The following DCC variants were observed in gnomAD, a reference collection of about 807,000 sequenced individuals.
DCC encodes the protein netrin receptor DCC.
In DCC, 58 loss-of-function variants were observed where a neutral mutation model predicts 172.5. That is an observed-to-expected ratio of 0.34 (90% CI 0.27 to 0.42). The LOEUF (loss-of-function observed/expected upper bound fraction) is 0.42. Among genes scored for constraint, DCC ranks in the 10% least tolerant of loss-of-function variants. The pLI is 1.00. For missense variants in DCC, 1,740 were observed against 1,791.0 expected (o/e 0.97, Z 0.51); for synonymous variants, 709 against 644.5 (o/e 1.10, Z -1.52).
At chr18:53,129,771 A>G (rs2043623736) in intron 7 of DCC, among the ~76,000 whole-genome samples, 1 of 152,018 alleles carries the variant, frequency 6.6e-6, no homozygotes, top group African/African-American at 2.4e-5. Flanking sequence ...CTAATTTTTG[A>G]CTATTATTAA....
chr18:52,806,140 T>C (rs1460685965), intron 2 of DCC, among the ~76,000 whole-genome samples: 1 of 152,184 alleles, frequency 6.6e-6, no homozygotes, highest in African/African-American at 2.4e-5. Context: ...TGATGGATCA[T>C]TTCTGTATCT....
At chr18:52,537,913 T>C (rs931121682) in intron 1 of DCC, among the ~76,000 whole-genome samples, 1 of 152,230 alleles carries the variant, frequency 6.6e-6, no homozygotes, top group Non-Finnish European at 1.5e-5. Flanking sequence ...TAGAATTTTC[T>C]GTCTTCTGCC....
At chr18:52,729,022 G>A (rs1157832652) in intron 1 of DCC, among the ~76,000 whole-genome samples, 1 of 152,134 alleles carries the variant, frequency 6.6e-6, no homozygotes, top group Admixed American at 6.5e-5. Context: ...AGGAAAATCG[G>A]ATTTTAACAA....
Position 53,098,939 on chromosome 18 carries a change from G to A in DCC, c.1261+32773G>A, listed in dbSNP as rs112967219. Among the ~76,000 whole-genome samples, 1,435 of 152,138 alleles carry A rather than the reference G, an allele frequency of 9.4e-3. 30 individuals carry two copies. Among genetic ancestry groups the A allele is most frequent in the African/African-American group, 0.032 (1,331 of 41,490 alleles). On this transcript the variant is annotated intron_variant, in intron 7 of 28. Transcript: ENST00000442544. ...GACAGAGAGGATTGCTTGAGCCCAC[G>A]AATTCAAGGCTGCAGTTAGCTGTGA...
chr18:52,870,749 A>C lies in DCC; in HGVS notation c.413-35295A>C, dbSNP rs914111554. The stretch of plus-strand genomic sequence containing the variant: ...GACAGCTTAGGTTCACTATGATTTC[A>C]TCTCTGACCCAATCATCACGCTCCC... On this transcript the variant is annotated intron_variant, in intron 2 of 28. Coordinates refer to ENST00000442544, the MANE Select transcript of DCC (RefSeq NM_005215.4). Among the ~76,000 whole-genome samples, 13 of 133,318 alleles carry C rather than the reference A, an allele frequency of 9.8e-5. No homozygotes were observed. The Admixed American group carries it at 1.1e-3, about 12-fold the overall frequency. 87.5% of individuals were successfully genotyped at this position (133,318 alleles called of 152,430 possible).
At chr18:52,425,067 A>G (rs1987379121) in intron 1 of DCC, among the ~76,000 whole-genome samples, 2 of 152,086 alleles carry the variant, frequency 1.3e-5, no homozygotes. Context: ...GTAATTTCTA[A>G]TCATCCATTT....
chr18:52,883,453 TTTTTA>T (rs1408387464), intron 2 of DCC, among the ~76,000 whole-genome samples: 2 of 151,352 alleles, frequency 1.3e-5, no homozygotes, highest in African/African-American at 4.9e-5. Flanking sequence ...ATTTTCTTTC[TTTTTA>T]TTTTTTGTGT....
At chr18:53,121,194 TAGAC>T (rs1228923218) in intron 7 of DCC, among the ~76,000 whole-genome samples, 1 of 151,804 alleles carries the variant, frequency 6.6e-6, no homozygotes, top group Non-Finnish European at 1.5e-5. Flanking sequence ...GAGCCAGAGT[TAGAC>T]AGACATGAAA....
At position 53,486,840 on chromosome 18, in the gene DCC, G is replaced by A; in HGVS notation, c.3780G>A (p.Gln1260=). Reference sequence around the variant, plus strand: ...CGGTGCCAACGCTAGAAAGTGCCCAGTACCCAGGAATCCTCCCGTCTCCCA... The same window carrying A: ...CGGTGCCAACGCTAGAAAGTGCCCAATACCCAGGAATCCTCCCGTCTCCCA... ...AIPVPTLESA[Q]YPGILPSPTC... Residue 1260 remains glutamine, a synonymous_variant, in exon 26 of 29, where the codon CAG becomes CAA. Transcript: ENST00000442544. 1 of 1,614,114 alleles carries A rather than the reference G, an allele frequency of 6.2e-7. No individual in the cohort carries two copies. The highest frequency in any genetic ancestry group is 8.5e-7 in the Non-Finnish European group (1 of 1,180,030).
intron 1 of DCC, among the ~76,000 whole-genome samples, chr18:52,400,652 T>C (rs1986399806): frequency 6.6e-6 from 1 of 152,106 alleles, no homozygotes; most frequent in Admixed American, 6.6e-5. Context: ...CATGTATGTT[T>C]ATTGCAGCAC....
In DCC at chr18:53,137,117, C is replaced by G. The variant is rs1379191602; in HGVS notation, c.1262-20239C>G. 2.0e-5 allele frequency among the ~76,000 whole-genome samples: 3 copies of G among 152,186 alleles called. No individual in the cohort carries two copies. The East Asian group carries it at 5.8e-4, about 29-fold the overall frequency. The stretch of plus-strand genomic sequence containing the variant: ...ATATTCATTTTCAATTAGTGTATAA[C>G]AAATTACTACAAACTTAGCAACTTA... On this transcript the variant is annotated intron_variant, in intron 7 of 28. Coordinates refer to ENST00000442544, the MANE Select transcript of DCC (RefSeq NM_005215.4).
chr18:52,878,022 T>A (rs915795440), intron 2 of DCC, among the ~76,000 whole-genome samples: 1 of 152,086 alleles, frequency 6.6e-6, no homozygotes. Context: ...AAATATAAAC[T>A]CTCTTCCCCA....
intron 27 of DCC, among the ~76,000 whole-genome samples, chr18:53,503,288 A>G (rs1478811016): frequency 6.6e-6 from 1 of 152,214 alleles, no homozygotes; most frequent in Non-Finnish European, 1.5e-5. Context: ...ACCTGAAAAC[A>G]GATTCATTTC....
chr18:52,681,579 T>C (rs2035751111), intron 1 of DCC, among the ~76,000 whole-genome samples: 1 of 152,080 alleles, frequency 6.6e-6, no homozygotes, highest in Non-Finnish European at 1.5e-5. Context: ...GTAGGGAGCA[T>C]TTCTGATTAG....
chr18:52,706,722 T>C lies in DCC; in HGVS notation c.92-45332T>C, dbSNP rs562890075. On this transcript the variant is annotated intron_variant, in intron 1 of 28. Coordinates refer to ENST00000442544, the MANE Select transcript of DCC (RefSeq NM_005215.4). ...CACGACCAAGCATGGTACCAGGTGC[T>C]ATGCTATGTACTGGAAAGGGAGAGA... Among the ~76,000 whole-genome samples, 28 of 152,282 alleles carry C rather than the reference T, an allele frequency of 1.8e-4. 1 individual carries two copies. The highest frequency in any genetic ancestry group is 6.7e-4 in the African/African-American group (28 of 41,576).
Position 53,474,247 on chromosome 18 carries a change from A to G in DCC, c.3736+6237A>G, listed in dbSNP as rs563180063. On this transcript the variant is annotated intron_variant, in intron 25 of 28. Transcript: ENST00000442544. ...CTTCATTACAATAGATGAATATAGTATATTCATATAGTGGAGTACAATGCA... is the reference window on the plus strand; with the variant it reads ...CTTCATTACAATAGATGAATATAGTGTATTCATATAGTGGAGTACAATGCA... Among the ~76,000 whole-genome samples, 147 of 152,322 alleles carry G rather than the reference A, an allele frequency of 9.7e-4. 1 individual carries two copies. The highest frequency in any genetic ancestry group is 3.3e-3 in the African/African-American group (137 of 41,574).
At chr18:53,460,455 C>A (rs1417956537) in intron 24 of DCC, among the ~76,000 whole-genome samples, 7 of 118,104 alleles carry the variant, frequency 5.9e-5, no homozygotes, top group African/African-American at 2.1e-4. Flanking sequence ...CAACAGTCCC[C>A]AGAGTGTGAT....
At chr18:52,587,937 T>G (rs1214739079) in intron 1 of DCC, among the ~76,000 whole-genome samples, 2 of 152,176 alleles carry the variant, frequency 1.3e-5, no homozygotes, top group African/African-American at 4.8e-5. Context: ...ACCTTACTTG[T>G]GTCTTCAGGA....
At chr18:52,375,782 G>A (rs1447246495) in intron 1 of DCC, among the ~76,000 whole-genome samples, 1 of 152,200 alleles carries the variant, frequency 6.6e-6, no homozygotes, top group Non-Finnish European at 1.5e-5. Context: ...GTATAGTTGT[G>A]AGGCAGTAGA....
Sources: gnomAD v4.1 joint callset for allele counts (sites outside exome capture counted in the v4.1 genomes callset) on GRCh38, gnomAD v4.1.1 for gene constraint, MANE v1.5 for transcripts, NCBI Gene and HGNC (gene_info 2026-07-23, HGNC 2026-07-21) for gene names.